PAH: variants seen among roughly 807,000 people sequenced by gnomAD.
The protein encoded by PAH is phenylalanine hydroxylase.
Under a neutral mutation model 62.0 loss-of-function variants are expected in PAH, and 64 were observed. The observed-to-expected ratio is 1.03, with a 90% CI of 0.84 to 1.27. The LOEUF (loss-of-function observed/expected upper bound fraction) is 1.27. Ranked by LOEUF, PAH falls within the 50% of genes most tolerant of loss-of-function variation. PAH has a pLI of 0.00. For missense variants in PAH, 579 were observed against 542.8 expected (o/e 1.07, Z -0.66); for synonymous variants, 195 against 196.2 (o/e 0.99, Z 0.05).
rs574092017 is a variant in PAH at position 102,890,378 on chromosome 12, A to G, written c.352+4357T>C. Reference sequence around the variant, plus strand: ...CCCACTGAGTCCTATAGAAAGGGCAACTTTGCAAAGGAATGGTTGTTCCCC... The same window carrying G: ...CCCACTGAGTCCTATAGAAAGGGCAGCTTTGCAAAGGAATGGTTGTTCCCC... On this transcript the variant is annotated intron_variant, in intron 3 of 12. Coordinates refer to ENST00000553106, the MANE Select transcript of PAH (RefSeq NM_000277.3). Among the ~76,000 whole-genome samples the G allele has an allele frequency of 2.6e-5, 4 of 152,288 alleles. No homozygotes were observed. In the East Asian group the frequency reaches 7.7e-4, roughly 29 times the overall value.
At chr12:102,866,700 A>G (rs375326762) in intron 4 of PAH, 37 bp from the exon 5 acceptor site, 14 of 1,533,774 alleles carry the variant, frequency 9.1e-6, no homozygotes, top group African/African-American at 1.4e-5. Context: ...TCAAGGCTTC[A>G]TAGGAAGAGG....
rs903694596 is a variant in PAH at position 102,957,112 on chromosome 12, C to A, written c.-96+1083G>T. Reference sequence around the variant, plus strand: ...CGTAATTTGCTCCAATTTCTAGGGTCACCGAGGAACCCGAAGAGAATAACA... The same window carrying A: ...CGTAATTTGCTCCAATTTCTAGGGTAACCGAGGAACCCGAAGAGAATAACA... On this transcript the variant is annotated intron_variant, in intron 1 of 4. Coordinates refer to the PAH transcript ENST00000551337. The surrounding 1 kb of genome is among the most constrained non-coding windows in gnomAD (Gnocchi z 4.1). Among the ~76,000 whole-genome samples the A allele has an allele frequency of 7.9e-5, 12 of 152,150 alleles. No homozygotes were observed.
intron 1 of PAH, among the ~76,000 whole-genome samples, chr12:102,933,461 T>A (rs61943179): frequency 0.31 from 46,580 of 152,034 alleles, 8,005 homozygotes; most frequent in African/African-American, 0.48. Flanking sequence ...TCTTCAACAT[T>A]CTAATTTCCT....
At chr12:102,844,494 C>A in intron 9 of PAH, 63 bp from the exon 10 acceptor site, 1 of 1,066,844 alleles carries the variant, frequency 9.4e-7, no homozygotes, top group South Asian at 1.3e-5. Flanking sequence ...GTCACCTTGA[C>A]TGGATGAAGG....
intron 5 of PAH, among the ~76,000 whole-genome samples, chr12:102,861,615 A>G (rs1875720054): frequency 6.6e-6 from 1 of 152,222 alleles, no homozygotes; most frequent in Non-Finnish European, 1.5e-5. Context: ...GATTAAGAAA[A>G]TGTGGCACAT....
upstream of PAH, among the ~76,000 whole-genome samples, chr12:102,921,837 A>G (rs886881268): frequency 9.9e-5 from 15 of 152,200 alleles, no homozygotes; most frequent in Admixed American, 9.2e-4. Flanking sequence ...CTAGATATAT[A>G]GATCAAATTT....
intron 2 of PAH, among the ~76,000 whole-genome samples, chr12:102,901,432 T>C (rs536382086): frequency 3.3e-5 from 5 of 152,340 alleles, no homozygotes; most frequent in African/African-American, 1.2e-4. Flanking sequence ...CTGCACCTAA[T>C]AATTTTTGTC....
intron 3 of PAH, among the ~76,000 whole-genome samples, chr12:102,884,991 G>A (rs1343811198): frequency 4.6e-5 from 7 of 152,178 alleles, no homozygotes; most frequent in African/African-American, 1.4e-4. Flanking sequence ...TAGCTGAGCC[G>A]AAAGAACAAT....
chr12:102,869,094 G>A (rs1328662698), intron 4 of PAH, among the ~76,000 whole-genome samples: 1 of 152,164 alleles, frequency 6.6e-6, no homozygotes, highest in African/African-American at 2.4e-5. Flanking sequence ...ACTGAAGTAG[G>A]AATCCAGGAA....
intron 3 of PAH, among the ~76,000 whole-genome samples, chr12:102,884,132 C>A (rs1876933097): frequency 6.6e-6 from 1 of 152,196 alleles, no homozygotes; most frequent in Non-Finnish European, 1.5e-5. Context: ...AAAGTTAATG[C>A]CCTTGGGTGC....
intron 3 of PAH, among the ~76,000 whole-genome samples, chr12:102,884,577 A>T (rs1021669398): frequency 6.6e-6 from 1 of 152,176 alleles, no homozygotes; most frequent in Non-Finnish European, 1.5e-5. Context: ...GGTGCTGAGC[A>T]CTTGCCTGCC....
At chr12:102,869,367 A>T (rs1722399) in intron 4 of PAH, among the ~76,000 whole-genome samples, 1 of 151,998 alleles carries the variant, frequency 6.6e-6, no homozygotes, top group Non-Finnish European at 1.5e-5. Context: ...AAAATGATTA[A>T]AGAAATACAC....
Position 102,903,805 on chromosome 12 carries a change from G to A in PAH, c.169-8887C>T, listed in dbSNP as rs147722084. ...CCCACATACGTCAGAGATGACCTTG[G>A]AGCTCAGAGCTCTGTACATCTGCTT... On this transcript the variant is annotated intron_variant, in intron 2 of 12. Coordinates refer to ENST00000553106, the MANE Select transcript of PAH (RefSeq NM_000277.3). 2.2e-3 allele frequency among the ~76,000 whole-genome samples: 338 copies of A among 152,176 alleles called. 2 individuals are homozygous for A. Among genetic ancestry groups the A allele is most frequent in the African/African-American group, 7.5e-3 (310 of 41,512 alleles).
intron 2 of PAH, among the ~76,000 whole-genome samples, chr12:102,900,136 G>T (rs1489940285): frequency 7.1e-6 from 1 of 140,266 alleles, no homozygotes; most frequent in Non-Finnish European, 1.5e-5. Flanking sequence ...TGCAAGCTCC[G>T]CCTCCCAGGT....
intron 3 of PAH, among the ~76,000 whole-genome samples, chr12:102,881,367 A>G (rs1239672616): frequency 3.3e-5 from 5 of 151,814 alleles, no homozygotes; most frequent in African/African-American, 1.2e-4. Context: ...TTATAAATAC[A>G]ATGTAATTAT....
rs185642464 is a variant in PAH, at chr12:102,866,070, G to A, written c.509+526C>T. 8.7e-3 allele frequency among the ~76,000 whole-genome samples: 1,176 copies of A among 135,942 alleles called. 24 individuals are homozygous for A. Among genetic ancestry groups the A allele is most frequent in the African/African-American group, 0.032 (1,134 of 35,288 alleles). 89.2% of individuals were successfully genotyped at this position (135,942 alleles called of 152,430 possible). ...TAAAATAGGGTAGGGGAGGAACACA[G>A]AACCCCAGACAGGAAAAAAAAAAAA... On this transcript the variant is annotated intron_variant, in intron 5 of 12. Transcript: ENST00000553106.
chr12:102,853,114 G>T, intron 6 of PAH, 164 bp from the exon 7 acceptor site: 1 of 720,120 alleles, frequency 1.4e-6, no homozygotes, highest in Non-Finnish European at 2.4e-6. Context: ...TTCTAGCTAG[G>T]TGATCTGGAT....
chr12:102,913,940 A>G, intron 1 of PAH: 1 of 678,106 alleles, frequency 1.5e-6, no homozygotes, highest in South Asian at 1.6e-5. Flanking sequence ...AAAACTGGGA[A>G]GAAAAAAATT....
At position 102,866,443 on chromosome 12, in the gene PAH, A is replaced by G. The variant is rs540401920; in HGVS notation, c.509+153T>C. Among the ~76,000 whole-genome samples, 3 of 152,278 alleles carry G rather than the reference A, an allele frequency of 2.0e-5. No homozygotes were observed. In the East Asian group the frequency reaches 5.8e-4, roughly 29 times the overall value. ...AGGGAGGGTTTAAACACACCCCCAC[A>G]CACACATACACGCATGCACATGAAC... On this transcript the variant is annotated intron_variant, in intron 5 of 12. Coordinates refer to ENST00000553106, the MANE Select transcript of PAH (RefSeq NM_000277.3).
Sources: gnomAD v4.1 joint callset for allele counts (sites outside exome capture counted in the v4.1 genomes callset) on GRCh38, gnomAD v4.1.1 for gene constraint, Gnocchi (gnomAD v3.1) non-coding constraint, MANE v1.5 for transcripts, NCBI Gene and HGNC (gene_info 2026-07-23, HGNC 2026-07-21) for gene names.